LRP6: variants seen among roughly 807,000 people sequenced by gnomAD.
LRP6 encodes the protein LDL receptor related protein 6, also known as low-density lipoprotein receptor-related protein 6.
A neutral mutation model predicts 184.1 loss-of-function variants in LRP6; 43 were observed. That is an observed-to-expected ratio of 0.23 (90% CI 0.18 to 0.30). The LOEUF is 0.30. LRP6 is among the 10% of genes least tolerant of loss of function. LRP6 has a pLI of 1.00. For synonymous variants in LRP6, 719 were observed against 684.9 expected (o/e 1.05, Z -0.78); for missense variants, 1,571 against 2,005.3 (o/e 0.78, Z 4.14).
intron 2 of LRP6, among the ~76,000 whole-genome samples, chr12:12,240,518 G>A (rs997709201): frequency 6.6e-6 from 1 of 152,120 alleles, no homozygotes; most frequent in African/African-American, 2.4e-5. Flanking sequence ...CTTGCAGTGA[G>A]CCAAGATCGC....
At chr12:12,261,224 T>A (rs914801443) in intron 1 of LRP6, among the ~76,000 whole-genome samples, 1 of 151,820 alleles carries the variant, frequency 6.6e-6, no homozygotes, top group African/African-American at 2.4e-5. Flanking sequence ...ATCGAGACCA[T>A]CCTGGCTAAC....
rs145035806 is a variant in LRP6 at position 12,148,844 on chromosome 12, G to A, written c.3206+98C>T. 7 of 867,096 alleles carry A rather than the reference G, an allele frequency of 8.1e-6. No individual in the cohort carries two copies. The African/African-American group carries it at 1.2e-4, about 14-fold the overall frequency. The allele number at this position is 867,096 out of a possible 1,614,324, so 53.7% of individuals were successfully genotyped here. On this transcript the variant is annotated intron_variant, in intron 14 of 22. Transcript: ENST00000261349. The stretch of plus-strand genomic sequence containing the variant: ...AGAGAATATTGAATTGTTTGCTGGA[G>A]CACAGGACACTTAAAGGTAAATAAA...
chr12:12,230,593 A>G (rs1034817366), intron 2 of LRP6, among the ~76,000 whole-genome samples: 1 of 152,194 alleles, frequency 6.6e-6, no homozygotes, highest in Admixed American at 6.5e-5. Context: ...CCATAATTAA[A>G]ATAAGTCATT....
intron 1 of LRP6, among the ~76,000 whole-genome samples, chr12:12,261,332 G>A (rs1488645811): frequency 6.6e-6 from 1 of 151,884 alleles, no homozygotes; most frequent in African/African-American, 2.4e-5. Context: ...GAACCCGGGA[G>A]GCGGAGCTTG....
intron 1 of LRP6, among the ~76,000 whole-genome samples, chr12:12,253,685 G>T (rs182710207): frequency 4.0e-5 from 6 of 150,066 alleles, no homozygotes; most frequent in East Asian, 2.0e-4. Flanking sequence ...TTGGTTTTTC[G>T]TCCTTGCAAT....
chr12:12,176,361 C>T (rs1321530698), intron 7 of LRP6, among the ~76,000 whole-genome samples: 1 of 152,186 alleles, frequency 6.6e-6, no homozygotes, highest in African/African-American at 2.4e-5. Context: ...CCACTATCAC[C>T]TGACAAGTAG....
At position 12,150,856 on chromosome 12, in the gene LRP6, C is replaced by A; in HGVS notation, c.2974G>T (p.Ala992Ser). ...IDSRQNMIRK[A>S]QEDGSQGFTV... ...ATTACCTGGCTGCCATCTTCTTGTG[C>A]CTTTCGGATCATGTTTTGTCGTGAG... Residue 992 changes from alanine (A) to serine (S), a missense_variant, in exon 13 of 23, where the codon GCA (alanine) becomes TCA (serine). Physicochemically the swap from Ala to Ser is moderately conservative, Grantham distance 99. Around this residue, in one of 4 missense-constraint regions of LRP6, gnomAD observed 763 missense variants for 859.5 expected, o/e 0.89. Transcript: ENST00000261349. 2 of 1,613,834 alleles carry A rather than the reference C, an allele frequency of 1.2e-6. No individual in the cohort carries two copies. The highest frequency in any genetic ancestry group is 2.2e-5 in the South Asian group (2 of 91,056).
intron 15 of LRP6, among the ~76,000 whole-genome samples, chr12:12,142,565 T>C (rs967860260): frequency 2.0e-5 from 3 of 152,006 alleles, no homozygotes; most frequent in African/African-American, 7.2e-5. Context: ...AAAAATCAAC[T>C]TGACAGTAAC....
At chr12:12,163,279 C>A (rs1388697991) in intron 9 of LRP6, among the ~76,000 whole-genome samples, 9 of 151,944 alleles carry the variant, frequency 5.9e-5, no homozygotes, top group Middle Eastern at 3.4e-3. Context: ...ACCCAGCCAC[C>A]CCCCATTTTC....
intron 9 of LRP6, among the ~76,000 whole-genome samples, chr12:12,163,992 T>C (rs905406448): frequency 6.6e-6 from 1 of 152,036 alleles, no homozygotes; most frequent in African/African-American, 2.4e-5. Context: ...TAGCTGGGCG[T>C]CGTGGCACGC....
At chr12:12,170,207 C>G (rs772199266) in intron 7 of LRP6, among the ~76,000 whole-genome samples, 3 of 152,076 alleles carry the variant, frequency 2.0e-5, no homozygotes. Context: ...TGGAGATGCA[C>G]ACCTGTAATC....
In LRP6 at chr12:12,266,962, C is replaced by A. The variant is rs1865788136; in HGVS notation, c.-227G>T. The A allele has an allele frequency of 9.2e-6, 5 of 545,838 alleles. No homozygotes were observed. In the South Asian group the frequency reaches 9.2e-5, roughly 10 times the overall value. 33.8% of individuals were successfully genotyped at this position (545,838 alleles called of 1,614,324 possible). ...GCGCGACGCCAGCGTCTGCTTCCATCCCGCCGCCTCCTCCCCCGGCGCCCC... is the reference window on the plus strand; with the variant it reads ...GCGCGACGCCAGCGTCTGCTTCCATACCGCCGCCTCCTCCCCCGGCGCCCC... On this transcript the variant is annotated 5_prime_UTR_variant, in exon 1 of 23. Coordinates refer to ENST00000261349, the MANE Select transcript of LRP6 (RefSeq NM_002336.3).
Position 12,164,417 on chromosome 12 carries a change from A to G in LRP6, c.1908T>C (p.Phe636=), listed in dbSNP as rs139058384. ...TTCGTCTGATATCTGCTCTCCGTGA[A>G]AACAAAAGGAAAGCCTCTGGGACAA... The part of the protein sequence containing the change: ...TCIVPEAFLL[F]SRRADIRRIS... The change falls in exon 9 of 23, where the codon TTT becomes TTC. Residue 636 remains phenylalanine (F), a synonymous_variant. Coordinates refer to ENST00000261349, the MANE Select transcript of LRP6 (RefSeq NM_002336.3). 6.2e-7 allele frequency: 1 copy of G among 1,614,154 alleles called. No individual in the cohort carries two copies. The highest frequency in any genetic ancestry group is 1.3e-5 in the African/African-American group (1 of 75,038).
chr12:12,165,399 T>C (rs1862853619), intron 7 of LRP6, 104 bp from the exon 8 acceptor site: 2 of 812,598 alleles, frequency 2.5e-6, no homozygotes, highest in Non-Finnish European at 4.3e-6. Context: ...AAGAGTCATC[T>C]TGGTATTCCT....
intron 15 of LRP6, among the ~76,000 whole-genome samples, chr12:12,145,618 CTTTTTCTTTTTTT>C (rs1949994776): frequency 1.2e-5 from 1 of 80,512 alleles, no homozygotes; most frequent in Non-Finnish European, 2.3e-5. Context: ...TTTCTTTTTT[CTTTTTCTTTTTTT>C]TTTTTTTTTT....
Position 12,164,265 on chromosome 12 carries a change from T to C in LRP6, c.2052+8A>G. 6.2e-7 allele frequency: 1 copy of C among 1,612,998 alleles called. No individual in the cohort carries two copies. The highest frequency in any genetic ancestry group is 8.5e-7 in the Non-Finnish European group (1 of 1,179,618). ...CCCTAGCTTTAATATTCCAATTCTT[T>C]TGCTAACCTTGAGTGATATATCAGT... On this transcript the variant is annotated splice_region_variant and intron_variant, in intron 9 of 22. Coordinates refer to ENST00000261349, the MANE Select transcript of LRP6 (RefSeq NM_002336.3).
At chr12:12,236,150 C>G (rs1278423840) in intron 2 of LRP6, among the ~76,000 whole-genome samples, 1 of 152,040 alleles carries the variant, frequency 6.6e-6, no homozygotes, top group Admixed American at 6.5e-5. Flanking sequence ...TGGCGTGAAC[C>G]CAGGAGGCGG....
intron 15 of LRP6, among the ~76,000 whole-genome samples, chr12:12,145,624 CTTTTTTTT>C (rs1157764946): frequency 0.1 from 8,142 of 80,296 alleles, 827 homozygotes; most frequent in African/African-American, 0.28. Context: ...TTTTCTTTTT[CTTTTTTTT>C]TTTTTTTTTT....
intron 7 of LRP6, among the ~76,000 whole-genome samples, chr12:12,176,033 A>G (rs1863174653): frequency 6.6e-6 from 1 of 152,174 alleles, no homozygotes; most frequent in African/African-American, 2.4e-5. Flanking sequence ...TCCTAAAAAA[A>G]AAAAAAGGAA....
Sources: allele counts gnomAD v4.1 joint callset (sites outside exome capture counted in the v4.1 genomes callset), GRCh38; gene constraint gnomAD v4.1.1; regional missense constraint gnomAD v4.1.1; transcripts MANE v1.5; gene names NCBI Gene and HGNC (gene_info 2026-07-23, HGNC 2026-07-21).